SLIT3: variants seen among roughly 807,000 people sequenced by gnomAD.
The protein encoded by SLIT3 is slit homolog 3 protein.
SLIT3 carries 68 observed loss-of-function variants against 184.0 expected under a neutral mutation model. The observed-to-expected ratio is 0.37, with a 90% CI of 0.30 to 0.45. The LOEUF (loss-of-function observed/expected upper bound fraction) is 0.45, where lower values mean the gene tolerates loss of function less well. SLIT3 is among the 20% of genes least tolerant of loss of function. SLIT3 has a pLI of 1.00. For missense variants in SLIT3, 1,707 were observed against 2,026.0 expected (o/e 0.84, Z 3.02); for synonymous variants, 831 against 828.6 (o/e 1.00, Z -0.05).
intron 5 of SLIT3, among the ~76,000 whole-genome samples, chr5:168,882,075 A>T (rs967221512): frequency 6.6e-6 from 1 of 152,150 alleles, no homozygotes; most frequent in Non-Finnish European, 1.5e-5. Flanking sequence ...TCCACAGGGG[A>T]GGCAGATAAC....
Position 168,749,675 on chromosome 5 carries a change from T to C in SLIT3, c.1974-40A>G, listed in dbSNP as rs761663896. On this transcript the variant is annotated intron_variant, in intron 18 of 35. Transcript: ENST00000519560. The stretch of plus-strand genomic sequence containing the variant: ...GGGTGCTTAGCCTCCATCCTTCTAC[T>C]GTGGGAGCGGCCCTGGGATCTGCTG... 6 of 1,610,190 alleles carry C rather than the reference T, an allele frequency of 3.7e-6. No homozygotes were observed. The South Asian group carries it at 6.6e-5, about 18-fold the overall frequency.
intron 5 of SLIT3, among the ~76,000 whole-genome samples, chr5:168,870,290 CT>C (rs1581163212): frequency 2.6e-5 from 4 of 152,334 alleles, no homozygotes; most frequent in South Asian, 4.1e-4. Context: ...TTATCTGGGG[CT>C]ACAAGAAGGA....
At chr5:168,942,926 G>A (rs1273737670) in intron 4 of SLIT3, among the ~76,000 whole-genome samples, 1 of 152,194 alleles carries the variant, frequency 6.6e-6, no homozygotes, top group African/African-American at 2.4e-5. Context: ...AACAATGCCT[G>A]CAGTGGGCTA....
intron 4 of SLIT3, among the ~76,000 whole-genome samples, chr5:168,907,967 T>TAGAGAGAGAGAGAG (rs1376618472): frequency 3.7e-5 from 3 of 80,228 alleles, no homozygotes; most frequent in Admixed American, 1.4e-4. Context: ...TATATATATA[T>TAGAGAGAGAGAGAG]ATATATATAT....
At chr5:168,710,545 T>C (rs1184013072) in intron 25 of SLIT3, among the ~76,000 whole-genome samples, 1 of 151,910 alleles carries the variant, frequency 6.6e-6, no homozygotes, top group Non-Finnish European at 1.5e-5. Flanking sequence ...AGGAGGATCG[T>C]TGGAGATCAG....
chr5:169,015,432 G>A (rs1053715369), intron 4 of SLIT3, among the ~76,000 whole-genome samples: 2 of 152,182 alleles, frequency 1.3e-5, no homozygotes, highest in Non-Finnish European at 2.9e-5. Flanking sequence ...AGCCAGAGTT[G>A]ACCAATATGC....
intron 11 of SLIT3, among the ~76,000 whole-genome samples, chr5:168,787,223 C>T (rs149067913): frequency 1.1e-4 from 17 of 152,336 alleles, no homozygotes; most frequent in African/African-American, 3.8e-4. Context: ...GTGCCAAATG[C>T]AGTAATGTCA....
At chr5:168,905,082 C>G (rs1341739365) in intron 4 of SLIT3, among the ~76,000 whole-genome samples, 1 of 152,146 alleles carries the variant, frequency 6.6e-6, no homozygotes, top group Admixed American at 6.5e-5. Flanking sequence ...GAGGCTGAGA[C>G]AGGCGAATTG....
chr5:168,811,791 C>T (rs901745157), intron 8 of SLIT3, among the ~76,000 whole-genome samples: 5 of 152,202 alleles, frequency 3.3e-5, no homozygotes, highest in South Asian at 2.1e-4. Flanking sequence ...ACAGCTACAA[C>T]GGAAAACAGT....
At chr5:169,186,053 C>T (rs138539352) in intron 4 of SLIT3, among the ~76,000 whole-genome samples, 24 of 152,294 alleles carry the variant, frequency 1.6e-4, no homozygotes, top group Middle Eastern at 3.4e-3. Context: ...TGCAGAGGAC[C>T]TGCCCCTAGT....
At chr5:168,726,532 G>A (rs908753153) in intron 20 of SLIT3, among the ~76,000 whole-genome samples, 4 of 5,026 alleles carry the variant, frequency 8.0e-4, no homozygotes, top group African/African-American at 2.0e-3. Flanking sequence ...GGGAGGGAGG[G>A]AGGGAGGGGA....
At chr5:169,253,708 T>C (rs952091091) in intron 1 of SLIT3, among the ~76,000 whole-genome samples, 11 of 152,158 alleles carry the variant, frequency 7.2e-5, no homozygotes, top group African/African-American at 2.4e-4. Flanking sequence ...ATCTCAACTT[T>C]GAAATTTCAG....
At chr5:168,879,912 C>T (rs1581171130) in intron 5 of SLIT3, among the ~76,000 whole-genome samples, 1 of 152,168 alleles carries the variant, frequency 6.6e-6, no homozygotes, top group Admixed American at 6.5e-5. Flanking sequence ...CCTGCTGTTT[C>T]CCCCAGAACT....
intron 4 of SLIT3, among the ~76,000 whole-genome samples, chr5:168,987,574 C>T (rs1755175587): frequency 6.6e-6 from 1 of 152,362 alleles, no homozygotes; most frequent in East Asian, 1.9e-4. Flanking sequence ...ATGCAAACTG[C>T]TAAGCGTATT....
intron 4 of SLIT3, among the ~76,000 whole-genome samples, chr5:168,949,159 G>A (rs1328067351): frequency 6.6e-6 from 1 of 152,160 alleles, no homozygotes; most frequent in African/African-American, 2.4e-5. Context: ...TGGGGTGAAC[G>A]GAGTTTCACC....
chr5:168,839,835 A>C (rs1173316632), intron 6 of SLIT3, among the ~76,000 whole-genome samples: 1 of 152,208 alleles, frequency 6.6e-6, no homozygotes, highest in Non-Finnish European at 1.5e-5. Context: ...TGCGGACAGA[A>C]ACACGGGTGA....
rs375209048 is a variant in SLIT3 at position 168,801,191 on chromosome 5, C to T, written c.935+5255G>A. 1.2e-4 allele frequency among the ~76,000 whole-genome samples: 19 copies of T among 152,316 alleles called. 2 individuals carry two copies. The East Asian group carries it at 1.4e-3, about 11-fold the overall frequency. ...GCTCCCATCCCACCCTATCACCCCTCCTTCCATGTGACAGTCCCTTACATG... is the reference window on the plus strand; with the variant it reads ...GCTCCCATCCCACCCTATCACCCCTTCTTCCATGTGACAGTCCCTTACATG... On this transcript the variant is annotated intron_variant, in intron 9 of 35. Transcript: ENST00000519560.
chr5:169,091,904 C>T (rs908884684), intron 4 of SLIT3, among the ~76,000 whole-genome samples: 4 of 152,174 alleles, frequency 2.6e-5, no homozygotes, highest in African/African-American at 9.7e-5. Flanking sequence ...GTAACATGTA[C>T]CAGAAATCAC....
chr5:168,870,533 A>T (rs1055758705), intron 5 of SLIT3, among the ~76,000 whole-genome samples: 2 of 152,186 alleles, frequency 1.3e-5, no homozygotes, highest in Non-Finnish European at 2.9e-5. Flanking sequence ...ACCTGGCATT[A>T]TCCTGATTCT....
Sources: gnomAD v4.1 joint callset for allele counts (sites outside exome capture counted in the v4.1 genomes callset) on GRCh38, gnomAD v4.1.1 for gene constraint, MANE v1.5 for transcripts, NCBI Gene and HGNC (gene_info 2026-07-23, HGNC 2026-07-21) for gene names.